The following ABTB3 variants were observed in gnomAD, a reference collection of about 807,000 sequenced individuals.
The protein encoded by ABTB3 is ankyrin repeat and BTB domain containing 3, also known as ankyrin repeat- and BTB/POZ domain-containing protein 3.
the ABTB3 span, among the ~76,000 whole-genome samples, chr12:107,491,216 A>C: frequency 6.6e-6 from 1 of 152,148 alleles, no homozygotes; most frequent in Admixed American, 6.5e-5. Context: ...CTTCGCCCTG[A>C]GCCTTGGCAC....
chr12:107,465,435 C>A, the ABTB3 span, among the ~76,000 whole-genome samples: 1 of 152,128 alleles, frequency 6.6e-6, no homozygotes, highest in East Asian at 1.9e-4. Flanking sequence ...ACACTGTGAG[C>A]CTCTTCCTAC....
the ABTB3 span, among the ~76,000 whole-genome samples, chr12:107,327,766 A>G: frequency 6.6e-6 from 1 of 152,232 alleles, no homozygotes; most frequent in Non-Finnish European, 1.5e-5. Flanking sequence ...TAAGTTCTAT[A>G]TTAGTTAGGG....
the ABTB3 span, among the ~76,000 whole-genome samples, chr12:107,566,139 C>A: frequency 6.6e-6 from 1 of 152,190 alleles, no homozygotes; most frequent in African/African-American, 2.4e-5. Context: ...TGTGCAGGCA[C>A]CAGAAATTGC....
the ABTB3 span, among the ~76,000 whole-genome samples, chr12:107,488,568 A>T: frequency 1.3e-5 from 2 of 152,064 alleles, no homozygotes; most frequent in Non-Finnish European, 2.9e-5. Context: ...AGCCATCACT[A>T]AACACTTTGA....
At chr12:107,337,848 T>C in the ABTB3 span, among the ~76,000 whole-genome samples, 1 of 152,340 alleles carries the variant, frequency 6.6e-6, no homozygotes, top group East Asian at 1.9e-4. Flanking sequence ...TTAATCAAAT[T>C]GGCAATGTAG....
the ABTB3 span, among the ~76,000 whole-genome samples, chr12:107,449,857 G>A: frequency 2.3e-3 from 353 of 151,774 alleles, 4 homozygotes; most frequent in African/African-American, 8.3e-3. Context: ...TTCATCACTC[G>A]TCTTGAACTC....
At chr12:107,347,117 C>T in the ABTB3 span, among the ~76,000 whole-genome samples, 1 of 152,260 alleles carries the variant, frequency 6.6e-6, no homozygotes, top group East Asian at 1.9e-4. Flanking sequence ...TTCACATGGG[C>T]CACGGAGTAG....
chr12:107,376,342 G>A, the ABTB3 span, among the ~76,000 whole-genome samples: 1 of 152,134 alleles, frequency 6.6e-6, no homozygotes, highest in South Asian at 2.1e-4. Flanking sequence ...GCACATAATT[G>A]TAGGCCTTGA....
At chr12:107,413,857 AG>A in the ABTB3 span, among the ~76,000 whole-genome samples, 1 of 152,228 alleles carries the variant, frequency 6.6e-6, no homozygotes, top group African/African-American at 2.4e-5. Context: ...CCAGGTTGAA[AG>A]GCACTAGGTT....
At chr12:107,422,542 G>C in the ABTB3 span, among the ~76,000 whole-genome samples, 2 of 152,376 alleles carry the variant, frequency 1.3e-5, no homozygotes, top group Admixed American at 6.5e-5. Context: ...GTGAGACCAA[G>C]AGGAGACTTT....
At chr12:107,657,196 T>C in the ABTB3 span, among the ~76,000 whole-genome samples, 1 of 152,210 alleles carries the variant, frequency 6.6e-6, no homozygotes, top group African/African-American at 2.4e-5. Flanking sequence ...AATTACCACA[T>C]GCATCCCTGT....
the ABTB3 span, among the ~76,000 whole-genome samples, chr12:107,360,416 G>A: frequency 6.6e-6 from 1 of 152,102 alleles, no homozygotes; most frequent in African/African-American, 2.4e-5. Flanking sequence ...GAGCAGTTGG[G>A]ACTTTCACCA....
At chr12:107,486,305 C>A in the ABTB3 span, among the ~76,000 whole-genome samples, 8 of 152,178 alleles carry the variant, frequency 5.3e-5, no homozygotes, top group African/African-American at 1.9e-4. Flanking sequence ...TTCTAACTCA[C>A]AGGTTGGCAA....
chr12:107,588,063 T>G, the ABTB3 span, among the ~76,000 whole-genome samples: 2 of 152,322 alleles, frequency 1.3e-5, no homozygotes, highest in Non-Finnish European at 2.9e-5. Context: ...CCTTGGCTTG[T>G]GGCAGCATCA....
At chr12:107,602,675 A>C in the ABTB3 span, among the ~76,000 whole-genome samples, 198 of 152,364 alleles carry the variant, frequency 1.3e-3, no homozygotes, top group African/African-American at 4.4e-3. Context: ...GTTTATGCTC[A>C]TAATTTCTAT....
chr12:107,542,338 G>A, the ABTB3 span, among the ~76,000 whole-genome samples: 2 of 129,254 alleles, frequency 1.5e-5, no homozygotes, highest in Non-Finnish European at 3.3e-5. Context: ...AACCATCACA[G>A]ATATCTTAGG....
the ABTB3 span, among the ~76,000 whole-genome samples, chr12:107,507,654 C>T: frequency 6.6e-6 from 1 of 152,206 alleles, no homozygotes; most frequent in Non-Finnish European, 1.5e-5. Flanking sequence ...GAATTCCCTT[C>T]AACTCAGTGT....
chr12:107,414,759 C>T, the ABTB3 span, among the ~76,000 whole-genome samples: 1 of 150,666 alleles, frequency 6.6e-6, no homozygotes, highest in African/African-American at 2.4e-5. Flanking sequence ...ACTTTATCAC[C>T]CAGTCTGGAG....
At chr12:107,526,692 A>G in the ABTB3 span, among the ~76,000 whole-genome samples, 1 of 152,176 alleles carries the variant, frequency 6.6e-6, no homozygotes, top group Non-Finnish European at 1.5e-5. Context: ...TTTTCACACT[A>G]GAGTGTGAAC....
Sources: gnomAD v4.1 joint callset for allele counts (sites outside exome capture counted in the v4.1 genomes callset) on GRCh38, gnomAD v4.1.1 for gene constraint, MANE v1.5 for transcripts, NCBI Gene and HGNC (gene_info 2026-07-23, HGNC 2026-07-21) for gene names.